Variants in NEGR1 observed in about 807,000 individuals in gnomAD.
The protein encoded by NEGR1 is IgLON family member 4.
NEGR1 carries 10 observed loss-of-function variants against 40.9 expected under a neutral mutation model. That is an observed-to-expected ratio of 0.24 (90% CI 0.15 to 0.42). The LOEUF (loss-of-function observed/expected upper bound fraction) is 0.42. Ranked by LOEUF, NEGR1 falls within the 10% of genes least tolerant of loss-of-function variation. NEGR1 has a pLI of 1.00. For synonymous variants in NEGR1, 185 were observed against 166.8 expected (o/e 1.11, Z -0.84); for missense variants, 352 against 438.9 (o/e 0.80, Z 1.77).
At chr1:71,647,527 T>C (rs1208067989) in intron 4 of NEGR1, among the ~76,000 whole-genome samples, 1 of 151,916 alleles carries the variant, frequency 6.6e-6, no homozygotes, top group African/African-American at 2.4e-5. Context: ...TAGATGGTGT[T>C]AGTAGATGAA....
chr1:71,577,571 T>C (rs1649004122), intron 6 of NEGR1, among the ~76,000 whole-genome samples: 1 of 152,198 alleles, frequency 6.6e-6, no homozygotes, highest in Non-Finnish European at 1.5e-5. Flanking sequence ...TGGGTGATTT[T>C]TAATCTAGCT....
chr1:71,433,398 C>A (rs1003890324), intron 6 of NEGR1, among the ~76,000 whole-genome samples: 1 of 152,102 alleles, frequency 6.6e-6, no homozygotes, highest in African/African-American at 2.4e-5. Flanking sequence ...TCACACTGCC[C>A]CAAAATGTCC....
At chr1:72,143,342 T>C (rs945715471) in intron 1 of NEGR1, among the ~76,000 whole-genome samples, 1 of 151,924 alleles carries the variant, frequency 6.6e-6, no homozygotes, top group African/African-American at 2.4e-5. Flanking sequence ...CCTGAGCCAG[T>C]CATGCCCAAA....
intron 1 of NEGR1, among the ~76,000 whole-genome samples, chr1:72,216,224 G>C (rs1009687257): frequency 2.6e-5 from 4 of 151,484 alleles, no homozygotes; most frequent in African/African-American, 9.7e-5. Context: ...CAGGCAAGGG[G>C]AGGGAGAGCA....
chr1:72,280,965 G>T (rs1052492260), intron 1 of NEGR1, among the ~76,000 whole-genome samples: 1 of 152,168 alleles, frequency 6.6e-6, no homozygotes, highest in African/African-American at 2.4e-5. Context: ...TGATGGGAAA[G>T]AAATGAAGGA....
At chr1:72,279,197 G>A (rs972865226) in intron 1 of NEGR1, among the ~76,000 whole-genome samples, 5 of 152,120 alleles carry the variant, frequency 3.3e-5, no homozygotes, top group African/African-American at 1.2e-4. Flanking sequence ...GATAGATACA[G>A]TTAGATAACA....
chr1:71,673,576 A>G (rs1652509567), intron 4 of NEGR1, among the ~76,000 whole-genome samples: 1 of 152,104 alleles, frequency 6.6e-6, no homozygotes, highest in Non-Finnish European at 1.5e-5. Context: ...TCAAAATTGG[A>G]AACATTATTT....
chr1:71,554,000 A>C (rs1648170407), intron 6 of NEGR1, among the ~76,000 whole-genome samples: 1 of 151,570 alleles, frequency 6.6e-6, no homozygotes, highest in Non-Finnish European at 1.5e-5. Context: ...TTTTTAGTGC[A>C]ATAACTAAGT....
intron 1 of NEGR1, among the ~76,000 whole-genome samples, chr1:72,166,240 C>T (rs1333994739): frequency 1.3e-5 from 2 of 151,834 alleles, no homozygotes; most frequent in African/African-American, 4.8e-5. Context: ...AAAAATATCG[C>T]CTCATACCTG....
intron 6 of NEGR1, among the ~76,000 whole-genome samples, chr1:71,452,521 C>A (rs1003382710): frequency 2.6e-5 from 4 of 152,150 alleles, no homozygotes; most frequent in African/African-American, 9.7e-5. Flanking sequence ...AAAGAATTCA[C>A]TGGAAAAAAT....
At chr1:72,277,589 C>A (rs1433295254) in intron 1 of NEGR1, among the ~76,000 whole-genome samples, 2 of 152,052 alleles carry the variant, frequency 1.3e-5, no homozygotes, top group Non-Finnish European at 2.9e-5. Context: ...AACAGTTCTG[C>A]AAATCAATAT....
At chr1:71,721,705 C>A (rs965905870) in intron 3 of NEGR1, among the ~76,000 whole-genome samples, 1 of 152,054 alleles carries the variant, frequency 6.6e-6, no homozygotes, top group African/African-American at 2.4e-5. Context: ...ATTTTGTAAG[C>A]ATTTCCAAAT....
chr1:72,032,071 C>T (rs1470229710), intron 1 of NEGR1, among the ~76,000 whole-genome samples: 1 of 152,134 alleles, frequency 6.6e-6, no homozygotes, highest in Non-Finnish European at 1.5e-5. Context: ...AGAAAATAAA[C>T]TCAGGTTGGT....
At chr1:72,177,440 C>A (rs983602310) in intron 1 of NEGR1, among the ~76,000 whole-genome samples, 2 of 152,016 alleles carry the variant, frequency 1.3e-5, no homozygotes, top group East Asian at 1.9e-4. Flanking sequence ...ACATTTATTT[C>A]ATTTTTCTAA....
At chr1:71,672,102 C>T (rs1652457289) in intron 4 of NEGR1, among the ~76,000 whole-genome samples, 1 of 152,014 alleles carries the variant, frequency 6.6e-6, no homozygotes, top group Non-Finnish European at 1.5e-5. Context: ...TGATACGGAG[C>T]ATGCCAAATA....
At chr1:71,503,060 C>T (rs551959060) in intron 6 of NEGR1, among the ~76,000 whole-genome samples, 21 of 152,268 alleles carry the variant, frequency 1.4e-4, no homozygotes, top group East Asian at 9.6e-4. Flanking sequence ...CTCTGACATT[C>T]CCCTGGATAG....
chr1:71,696,466 T>C (rs1212057282), intron 4 of NEGR1, among the ~76,000 whole-genome samples: 1 of 151,814 alleles, frequency 6.6e-6, no homozygotes, highest in Admixed American at 6.6e-5. Context: ...GCCTTGTTTA[T>C]TTGATAGATT....
intron 1 of NEGR1, among the ~76,000 whole-genome samples, chr1:72,185,026 G>A (rs1460583631): frequency 3.3e-5 from 5 of 151,820 alleles, no homozygotes; most frequent in East Asian, 1.9e-4. Context: ...TATTTTTAAA[G>A]CCAGGATAAA....
chr1:71,434,152 T>C (rs1170346887), intron 6 of NEGR1, among the ~76,000 whole-genome samples: 1 of 152,112 alleles, frequency 6.6e-6, no homozygotes, highest in Non-Finnish European at 1.5e-5. Context: ...TTGAAAAAAC[T>C]GGCAGACAAA....
Sources: allele counts gnomAD v4.1 joint callset (sites outside exome capture counted in the v4.1 genomes callset), GRCh38; gene constraint gnomAD v4.1.1; transcripts MANE v1.5; gene names NCBI Gene and HGNC (gene_info 2026-07-23, HGNC 2026-07-21).